The following SLC14A2 variants were observed in gnomAD, a reference collection of about 807,000 sequenced individuals.
SLC14A2 encodes solute carrier family 14 member 2.
A neutral mutation model predicts 104.6 loss-of-function variants in SLC14A2; 91 were observed. The ratio of observed to expected loss-of-function variants is 0.87; its 90% confidence interval spans 0.73 to 1.04. The LOEUF (loss-of-function observed/expected upper bound fraction) is 1.04, where lower values mean the gene tolerates loss of function less well. Ranked by LOEUF, SLC14A2 falls within the 50% of genes least tolerant of loss-of-function variation. The pLI, the probability that SLC14A2 is intolerant of heterozygous loss-of-function variation, is 0.00. For missense variants in SLC14A2, 1,189 were observed against 1,156.0 expected, an observed-to-expected ratio of 1.03 and a Z score of -0.41; for synonymous variants, 476 against 466.4, an observed-to-expected ratio of 1.02 and a Z score of -0.27.
At chr18:45,475,138 C>T (rs1356342344) in intron 1 of SLC14A2, among the ~76,000 whole-genome samples, 1 of 152,128 alleles carries the variant, frequency 6.6e-6, no homozygotes, top group Non-Finnish European at 1.5e-5. Context: ...GTTATGTACC[C>T]AGTATTCATT....
At chr18:45,559,909 G>C (rs540041344) in intron 2 of SLC14A2, among the ~76,000 whole-genome samples, 5 of 152,224 alleles carry the variant, frequency 3.3e-5, no homozygotes, top group Non-Finnish European at 5.9e-5. Context: ...CCCTAGGGAA[G>C]AGAATGTTTG....
chr18:45,317,422 A>G (rs900443747), intron 1 of SLC14A2, among the ~76,000 whole-genome samples: 1 of 152,202 alleles, frequency 6.6e-6, no homozygotes, highest in Non-Finnish European at 1.5e-5. Flanking sequence ...TTAGTCCTTA[A>G]GGAAAACGTT....
At chr18:45,582,437 T>G (rs1599029295) in intron 2 of SLC14A2, among the ~76,000 whole-genome samples, 2 of 152,312 alleles carry the variant, frequency 1.3e-5, no homozygotes, top group Non-Finnish European at 2.9e-5. Flanking sequence ...AAAGGATTTT[T>G]TCTATTATGT....
intron 1 of SLC14A2, chr18:45,436,797 C>CTT (rs5824587): frequency 2.7e-4 from 41 of 150,780 alleles, no homozygotes; most frequent in South Asian, 2.3e-3. Context: ...AGATTTCTTT[C>CTT]TTTTTTTTTA....
At chr18:45,546,705 C>G (rs1338351510) in intron 2 of SLC14A2, among the ~76,000 whole-genome samples, 1 of 152,222 alleles carries the variant, frequency 6.6e-6, no homozygotes, top group Non-Finnish European at 1.5e-5. Flanking sequence ...TTTACTTAAA[C>G]TTCTGTGCCT....
intron 1 of SLC14A2, among the ~76,000 whole-genome samples, chr18:45,282,403 T>C (rs1339355549): frequency 5.3e-5 from 8 of 152,304 alleles, no homozygotes; most frequent in Non-Finnish European, 1.0e-4. Flanking sequence ...GTCCCTGATC[T>C]ATGATGGGCT....
chr18:45,353,018 C>CT (rs1196817347), intron 1 of SLC14A2, among the ~76,000 whole-genome samples: 1 of 152,128 alleles, frequency 6.6e-6, no homozygotes, highest in African/African-American at 2.4e-5. Flanking sequence ...ACAGGTTGGC[C>CT]TTTGTTTCAT....
the SLC14A2 span, among the ~76,000 whole-genome samples, chr18:45,171,817 C>A: frequency 2.1e-5 from 3 of 145,200 alleles, no homozygotes; most frequent in Non-Finnish European, 4.6e-5. Context: ...TAGTGAAATT[C>A]TTTGCTAAAT....
intron 1 of SLC14A2, among the ~76,000 whole-genome samples, chr18:45,310,374 A>G (rs1469291090): frequency 1.3e-5 from 2 of 152,238 alleles, no homozygotes; most frequent in African/African-American, 2.4e-5. Context: ...CCAGCCTGAT[A>G]GGTATGATCA....
At chr18:45,356,574 T>C (rs1438990587) in intron 1 of SLC14A2, among the ~76,000 whole-genome samples, 2 of 152,204 alleles carry the variant, frequency 1.3e-5, no homozygotes, top group East Asian at 1.9e-4. Context: ...GAAAGCTGAC[T>C]TTCCTTAAGG....
chr18:45,586,116 G>A (rs529250123), intron 2 of SLC14A2, among the ~76,000 whole-genome samples: 1 of 152,324 alleles, frequency 6.6e-6, no homozygotes, highest in South Asian at 2.1e-4. Context: ...TATTAGGTTT[G>A]CGCAAAAGTA....
chr18:45,371,730 C>T (rs769576632), intron 1 of SLC14A2, among the ~76,000 whole-genome samples: 8 of 152,196 alleles, frequency 5.3e-5, no homozygotes, highest in Non-Finnish European at 1.2e-4. Context: ...GCAAATCTAG[C>T]CCAGAGAAGA....
intron 2 of SLC14A2, among the ~76,000 whole-genome samples, chr18:45,583,820 C>T (rs1466767475): frequency 1.3e-5 from 2 of 152,128 alleles, no homozygotes; most frequent in Non-Finnish European, 2.9e-5. Context: ...CCATCCTGAC[C>T]TCACTAAACA....
intron 1 of SLC14A2, among the ~76,000 whole-genome samples, chr18:45,221,588 C>T (rs182990780): frequency 3.9e-5 from 6 of 152,220 alleles, no homozygotes; most frequent in African/African-American, 1.2e-4. Flanking sequence ...GAGGTGTTCT[C>T]CCAGAGAAGC....
At chr18:45,419,210 T>C (rs1461934960) in intron 1 of SLC14A2, among the ~76,000 whole-genome samples, 1 of 152,212 alleles carries the variant, frequency 6.6e-6, no homozygotes, top group African/African-American at 2.4e-5. Context: ...ATTCACTCTA[T>C]GTGGTGGAGA....
chr18:45,543,607 G>A (rs1225450692), intron 2 of SLC14A2, among the ~76,000 whole-genome samples: 1 of 152,134 alleles, frequency 6.6e-6, no homozygotes, highest in Non-Finnish European at 1.5e-5. Flanking sequence ...AGCTTGTTTT[G>A]TGAGCATTGG....
intron 1 of SLC14A2, among the ~76,000 whole-genome samples, chr18:45,328,231 T>A (rs935875157): frequency 6.6e-6 from 1 of 152,188 alleles, no homozygotes; most frequent in African/African-American, 2.4e-5. Flanking sequence ...ATTCTCCTCC[T>A]GAAGGTGCTT....
intron 1 of SLC14A2, among the ~76,000 whole-genome samples, chr18:45,376,493 T>C (rs1031665461): frequency 2.0e-5 from 3 of 152,156 alleles, no homozygotes; most frequent in African/African-American, 4.8e-5. Flanking sequence ...TAAGGGTTAC[T>C]GAGAATTAAG....
intron 10 of SLC14A2, among the ~76,000 whole-genome samples, chr18:45,656,353 G>A (rs574895809): frequency 6.6e-6 from 1 of 152,320 alleles, no homozygotes; most frequent in African/African-American, 2.4e-5. Context: ...CACCTTGGCA[G>A]GGTGTGCGTT....
Sources: allele counts gnomAD v4.1 joint callset (sites outside exome capture counted in the v4.1 genomes callset), GRCh38; gene constraint gnomAD v4.1.1; transcripts MANE v1.5; gene names NCBI Gene and HGNC (gene_info 2026-07-23, HGNC 2026-07-21).